The following TOX variants were observed in gnomAD, a reference collection of about 807,000 sequenced individuals.
The protein encoded by TOX is thymocyte selection-associated high mobility group box protein TOX.
In TOX, 11 loss-of-function variants were observed where a neutral mutation model predicts 53.7. The observed-to-expected ratio is 0.20, with a 90% CI of 0.13 to 0.34. The LOEUF (loss-of-function observed/expected upper bound fraction) is 0.34. Ranked by LOEUF, TOX falls within the 10% of genes least tolerant of loss-of-function variation. The pLI, the probability that TOX is intolerant of heterozygous loss-of-function variation, is 1.00. For synonymous variants in TOX, 225 were observed against 245.3 expected (o/e 0.92, Z 0.77); for missense variants, 570 against 664.6 (o/e 0.86, Z 1.56).
intron 2 of TOX, among the ~76,000 whole-genome samples, chr8:58,953,397 A>T (rs541476941): frequency 1.3e-4 from 20 of 152,324 alleles, no homozygotes; most frequent in Middle Eastern, 3.4e-3. Context: ...AAACAACATA[A>T]ACAATAGTAA....
At chr8:59,052,014 A>G (rs1014447950) in intron 1 of TOX, among the ~76,000 whole-genome samples, 1 of 152,188 alleles carries the variant, frequency 6.6e-6, no homozygotes, top group African/African-American at 2.4e-5. Context: ...CCTGTTAAGA[A>G]TTTATATATG....
chr8:58,915,073 T>A (rs569860131), intron 3 of TOX, among the ~76,000 whole-genome samples: 2 of 148,482 alleles, frequency 1.3e-5, no homozygotes, highest in East Asian at 4.0e-4. Context: ...TCTCGCTGAT[T>A]GCTAGCACAG....
intron 1 of TOX, among the ~76,000 whole-genome samples, chr8:59,054,433 T>G (rs921984272): frequency 5.3e-5 from 8 of 152,216 alleles, no homozygotes; most frequent in African/African-American, 1.9e-4. Context: ...TGCCAATCTA[T>G]CCTTAGAGTT....
intron 4 of TOX, among the ~76,000 whole-genome samples, chr8:58,849,175 TG>T (rs1563369287): frequency 6.6e-6 from 1 of 151,900 alleles, no homozygotes; most frequent in Non-Finnish European, 1.5e-5. Context: ...GGATTTGAAT[TG>T]GAGACAAGGT....
chr8:58,938,269 C>A (rs978930527), intron 3 of TOX, among the ~76,000 whole-genome samples: 4 of 152,054 alleles, frequency 2.6e-5, no homozygotes, highest in Admixed American at 6.5e-5. Flanking sequence ...ATATATCCCC[C>A]AATGATTTAG....
At chr8:59,013,202 G>C (rs187089934) in intron 1 of TOX, among the ~76,000 whole-genome samples, 2 of 152,102 alleles carry the variant, frequency 1.3e-5, no homozygotes, top group African/African-American at 4.8e-5. Context: ...TACATCCCCG[G>C]TTCCTGGACA....
At chr8:59,078,513 C>G (rs1332516325) in intron 1 of TOX, among the ~76,000 whole-genome samples, 2 of 152,200 alleles carry the variant, frequency 1.3e-5, no homozygotes, top group African/African-American at 4.8e-5. Flanking sequence ...CCTGCTCCCT[C>G]TTTGGCTTCC....
intron 1 of TOX, among the ~76,000 whole-genome samples, chr8:59,035,646 T>A (rs1403522751): frequency 1.3e-5 from 2 of 152,274 alleles, no homozygotes; most frequent in Non-Finnish European, 2.9e-5. Flanking sequence ...ATCAGTTATT[T>A]ATTTACTCAA....
chr8:59,031,603 A>G (rs1814357972), intron 1 of TOX, among the ~76,000 whole-genome samples: 2 of 152,240 alleles, frequency 1.3e-5, no homozygotes, highest in South Asian at 4.1e-4. Context: ...AGATCTATGA[A>G]GAAAGCAAAG....
intron 1 of TOX, among the ~76,000 whole-genome samples, chr8:59,056,415 G>C (rs1042000690): frequency 1.8e-5 from 2 of 108,324 alleles, no homozygotes; most frequent in African/African-American, 3.6e-5. Context: ...CTGGGTGATA[G>C]AGCAAGGCCC....
chr8:58,846,587 C>T (rs1810722876), intron 4 of TOX, among the ~76,000 whole-genome samples: 1 of 152,078 alleles, frequency 6.6e-6, no homozygotes, highest in Non-Finnish European at 1.5e-5. Context: ...ATCCTATTTG[C>T]TTTGAGAAAA....
At chr8:58,906,199 G>A (rs1193707104) in intron 3 of TOX, among the ~76,000 whole-genome samples, 1 of 152,036 alleles carries the variant, frequency 6.6e-6, no homozygotes, top group Non-Finnish European at 1.5e-5. Flanking sequence ...ACTGTGTTTG[G>A]TCCAGCATGT....
chr8:59,103,767 T>C (rs1209218065), intron 1 of TOX, among the ~76,000 whole-genome samples: 1 of 152,180 alleles, frequency 6.6e-6, no homozygotes, highest in African/African-American at 2.4e-5. Context: ...CTCTCCAAAT[T>C]TACTAATAAT....
intron 1 of TOX, among the ~76,000 whole-genome samples, chr8:59,012,108 C>T (rs1323731829): frequency 6.6e-6 from 1 of 152,048 alleles, no homozygotes; most frequent in Non-Finnish European, 1.5e-5. Flanking sequence ...ATGTGACCAG[C>T]CTTTTGTCTC....
chr8:58,946,431 T>C (rs766943184), intron 2 of TOX, among the ~76,000 whole-genome samples: 4 of 152,176 alleles, frequency 2.6e-5, no homozygotes, highest in Non-Finnish European at 5.9e-5. Flanking sequence ...TGTCTCTGCA[T>C]GAACAAGGGT....
intron 3 of TOX, among the ~76,000 whole-genome samples, chr8:58,912,098 C>T (rs1811919333): frequency 6.6e-6 from 1 of 152,156 alleles, no homozygotes; most frequent in African/African-American, 2.4e-5. Flanking sequence ...CTGAAATGGA[C>T]TTTGGTTTTA....
intron 1 of TOX, among the ~76,000 whole-genome samples, chr8:58,973,362 T>C (rs1159226414): frequency 6.6e-6 from 1 of 152,240 alleles, no homozygotes; most frequent in East Asian, 1.9e-4. Context: ...ACTTTCCAAC[T>C]TTTATGTAGG....
intron 1 of TOX, among the ~76,000 whole-genome samples, chr8:59,107,046 T>TG (rs560703991): frequency 0.14 from 8,001 of 57,892 alleles, 840 homozygotes; most frequent in East Asian, 0.27. Flanking sequence ...AGCAGTTTGC[T>TG]GGGGGGGGGG....
chr8:59,053,915 A>G (rs928769267), intron 1 of TOX, among the ~76,000 whole-genome samples: 1 of 152,244 alleles, frequency 6.6e-6, no homozygotes, highest in African/African-American at 2.4e-5. Context: ...AATATATATC[A>G]TACATTTTCA....
Sources: gnomAD v4.1 joint callset for allele counts (sites outside exome capture counted in the v4.1 genomes callset) on GRCh38, gnomAD v4.1.1 for gene constraint, MANE v1.5 for transcripts, NCBI Gene and HGNC (gene_info 2026-07-23, HGNC 2026-07-21) for gene names.